The following C1orf185 variants were observed in gnomAD, a reference collection of about 807,000 sequenced individuals.
C1orf185 encodes uncharacterized protein C1orf185.
C1orf185 carries 13 observed loss-of-function variants against 16.1 expected under a neutral mutation model. The ratio of observed to expected loss-of-function variants is 0.81; its 90% CI spans 0.53 to 1.28. C1orf185 has a LOEUF of 1.28. C1orf185 is among the 50% of genes most tolerant of loss of function. C1orf185 has a pLI of 0.00. For missense variants in C1orf185, 220 were observed against 225.2 expected, an observed-to-expected ratio of 0.98 and a Z score of 0.15; for synonymous variants, 80 against 76.9, an observed-to-expected ratio of 1.04 and a Z score of -0.21.
chr1:51,141,467 T>C (rs1646363775), intron 3 of C1orf185, among the ~76,000 whole-genome samples: 1 of 152,168 alleles, frequency 6.6e-6, no homozygotes, highest in Admixed American at 6.5e-5. Flanking sequence ...CATTCCAGCC[T>C]GGATGAGAGG....
At chr1:51,130,357 T>G (rs999089070) in intron 3 of C1orf185, among the ~76,000 whole-genome samples, 2 of 151,854 alleles carry the variant, frequency 1.3e-5, no homozygotes, top group African/African-American at 4.8e-5. Context: ...CTTTCTTTTT[T>G]TTTTTTTAAG....
chr1:51,124,976 G>C (rs532664779), intron 3 of C1orf185, among the ~76,000 whole-genome samples: 208 of 152,304 alleles, frequency 1.4e-3, no homozygotes, highest in African/African-American at 4.4e-3. Flanking sequence ...AAGGGCAGAG[G>C]CCCATCTTCT....
chr1:51,129,174 C>G (rs760190168), intron 3 of C1orf185, among the ~76,000 whole-genome samples: 1 of 152,070 alleles, frequency 6.6e-6, no homozygotes, highest in South Asian at 2.1e-4. Context: ...CGAGAGCCAC[C>G]GTGCCTGGCC....
downstream of C1orf185, among the ~76,000 whole-genome samples, chr1:51,151,237 C>T (rs1220423136): frequency 2.0e-5 from 3 of 152,182 alleles, no homozygotes; most frequent in Non-Finnish European, 4.4e-5. Context: ...ACAGGTGTAA[C>T]AGGTTCAAAT....
intron 2 of C1orf185, among the ~76,000 whole-genome samples, chr1:51,114,673 A>C (rs1318935946): frequency 6.6e-6 from 1 of 152,226 alleles, no homozygotes; most frequent in East Asian, 1.9e-4. Flanking sequence ...CAGTGAGCCA[A>C]GATCCCACCA....
At chr1:51,146,507 A>T (rs916316441) in intron 4 of C1orf185, among the ~76,000 whole-genome samples, 15 of 151,990 alleles carry the variant, frequency 9.9e-5, no homozygotes, top group African/African-American at 3.6e-4. Flanking sequence ...TTATACATAA[A>T]TTTTTTAAAA....
chr1:51,150,068 T>C (rs1019455675), downstream of C1orf185, among the ~76,000 whole-genome samples: 2 of 152,198 alleles, frequency 1.3e-5, no homozygotes, highest in African/African-American at 2.4e-5. Context: ...AGAAAGACCT[T>C]TGTTTCTATT....
chr1:51,119,628 A>C (rs1646183221), intron 3 of C1orf185, among the ~76,000 whole-genome samples: 1 of 152,218 alleles, frequency 6.6e-6, no homozygotes, highest in Non-Finnish European at 1.5e-5. Flanking sequence ...CCCTATCTCT[A>C]TAAAAATTTT....
chr1:51,132,225 G>T (rs1010354547), intron 3 of C1orf185, among the ~76,000 whole-genome samples: 2 of 152,114 alleles, frequency 1.3e-5, no homozygotes, highest in African/African-American at 4.8e-5. Flanking sequence ...TCCAGCAAAG[G>T]TTCTGAACCA....
intron 3 of C1orf185, among the ~76,000 whole-genome samples, chr1:51,143,565 G>A (rs562628141): frequency 7.2e-5 from 11 of 152,116 alleles, no homozygotes; most frequent in African/African-American, 2.2e-4. Flanking sequence ...CTGATATGTA[G>A]CATCATTTTT....
intron 1 of C1orf185, among the ~76,000 whole-genome samples, chr1:51,111,745 C>A (rs1011809320): frequency 1.3e-5 from 2 of 152,188 alleles, no homozygotes; most frequent in African/African-American, 4.8e-5. Context: ...GTCTCGAACT[C>A]CTGACCTCAG....
chr1:51,147,384 T>G (rs1646407358), intron 4 of C1orf185, 83 bp from the exon 5 acceptor site: 2 of 1,262,578 alleles, frequency 1.6e-6, no homozygotes, highest in Non-Finnish European at 2.1e-6. Flanking sequence ...TTTATAGCAT[T>G]ATCCTGCCCA....
intron 3 of C1orf185, among the ~76,000 whole-genome samples, chr1:51,140,135 A>G (rs909621880): frequency 5.9e-5 from 9 of 152,230 alleles, no homozygotes; most frequent in African/African-American, 2.2e-4. Context: ...GGTACCATAC[A>G]GTCAGTGTTT....
At chr1:51,113,721 G>T (rs17389822) in intron 2 of C1orf185, among the ~76,000 whole-genome samples, 1 of 151,702 alleles carries the variant, frequency 6.6e-6, no homozygotes, top group Non-Finnish European at 1.5e-5. Context: ...TAAATTCAGC[G>T]TTTGCATTGT....
intron 3 of C1orf185, among the ~76,000 whole-genome samples, chr1:51,141,898 C>A (rs1482291604): frequency 3.9e-5 from 6 of 151,982 alleles, no homozygotes; most frequent in African/African-American, 1.5e-4. Context: ...GTGGCACCAT[C>A]TTGGTTCACT....
rs1646412882 is a variant in C1orf185 at position 51,148,078 on chromosome 1, G to A, written c.*307G>A. The A allele has an allele frequency of 4.6e-6, 1 of 217,810 alleles. No homozygotes were observed. The highest frequency in any genetic ancestry group is 9.1e-6 in the Non-Finnish European group (1 of 110,060). 13.5% of individuals were successfully genotyped at this position (217,810 alleles called of 1,614,324 possible). A position where few individuals can be genotyped will look rare whatever the true frequency, so the allele number is the denominator to read the frequency against. The stretch of plus-strand genomic sequence containing the variant: ...GACATATTAAATAAAATGAGTGTAT[G>A]TCAACAAACGGGAGAAAAACATTTA... On this transcript the variant is annotated 3_prime_UTR_variant, in exon 5 of 5. Coordinates refer to ENST00000371759, the MANE Select transcript of C1orf185 (RefSeq NM_001136508.2).
intron 3 of C1orf185, among the ~76,000 whole-genome samples, chr1:51,120,673 C>T (rs1646191319): frequency 6.6e-6 from 1 of 152,110 alleles, no homozygotes; most frequent in Non-Finnish European, 1.5e-5. Context: ...TATTCAGTAC[C>T]CATCACGTAC....
chr1:51,145,747 A>G lies in C1orf185; in HGVS notation c.282A>G (p.Ala94=). The G allele has an allele frequency of 7.6e-7, 1 of 1,314,722 alleles. No homozygotes were observed. Among genetic ancestry groups the G allele is most frequent in the Middle Eastern group, 2.1e-4 (1 of 4,698 alleles). The allele number at this position is 1,314,722 out of a possible 1,614,324, so 81.4% of individuals were successfully genotyped here. A position where few individuals can be genotyped will look rare whatever the true frequency, so the allele number is the denominator to read the frequency against. The change falls in exon 4 of 5, where the codon GCA becomes GCG. Residue 94 remains alanine (A), a synonymous_variant. Coordinates refer to ENST00000371759, the MANE Select transcript of C1orf185 (RefSeq NM_001136508.2). The part of the protein sequence containing the change: ...QLQEEQRKKE[A]AHIKAIKDHS... ...AGGAGGAGCAAAGAAAAAAGGAAGC[A>G]GCACATATAAAAGGTATTTTTTCTC...
At chr1:51,123,354 AT>A (rs554485620) in intron 3 of C1orf185, among the ~76,000 whole-genome samples, 635 of 152,246 alleles carry the variant, frequency 4.2e-3, no homozygotes, top group Non-Finnish European at 5.2e-3. Context: ...AGCCTAGCCT[AT>A]TTCTTTTTAG....
Sources: gnomAD v4.1 joint callset for allele counts (sites outside exome capture counted in the v4.1 genomes callset) on GRCh38, gnomAD v4.1.1 for gene constraint, MANE v1.5 for transcripts, NCBI Gene and HGNC (gene_info 2026-07-23, HGNC 2026-07-21) for gene names.